GSE1: variants seen among roughly 807,000 people sequenced by gnomAD.
The protein encoded by GSE1 is Gse1 coiled-coil protein.
Under a neutral mutation model 112.6 loss-of-function variants are expected in GSE1, and 32 were observed. That is an observed-to-expected ratio of 0.28 (90% confidence interval 0.21 to 0.38). GSE1 has a LOEUF of 0.38. Among genes scored for constraint, GSE1 ranks in the 10% least tolerant of loss-of-function variants. The pLI, the probability that GSE1 is intolerant of heterozygous loss-of-function variation, is 1.00. For synonymous variants in GSE1, 1,115 were observed against 735.6 expected, an observed-to-expected ratio of 1.52 and a Z score of -8.35; for missense variants, 2,348 against 1,699.2, an observed-to-expected ratio of 1.38 and a Z score of -6.71.
chr16:85,529,746 G>T (rs1214272181), intron 2 of GSE1, among the ~76,000 whole-genome samples: 1 of 152,190 alleles, frequency 6.6e-6, no homozygotes, highest in Non-Finnish European at 1.5e-5. Flanking sequence ...GAACAGGGAG[G>T]CTTCCGGAAC....
chr16:85,492,505 C>T (rs185647657), intron 2 of GSE1, among the ~76,000 whole-genome samples: 5 of 152,336 alleles, frequency 3.3e-5, no homozygotes, highest in South Asian at 4.1e-4. Flanking sequence ...GCCTCACCCA[C>T]GTTCACTTGT....
chr16:85,219,792 G>T (rs2075361833), intron 1 of GSE1, among the ~76,000 whole-genome samples: 1 of 152,214 alleles, frequency 6.6e-6, no homozygotes, highest in Non-Finnish European at 1.5e-5. Flanking sequence ...GGGACCACCA[G>T]CTTTGCTTTA....
At chr16:85,197,567 C>T (rs2074951009) in intron 1 of GSE1, among the ~76,000 whole-genome samples, 1 of 152,206 alleles carries the variant, frequency 6.6e-6, no homozygotes, top group Admixed American at 6.5e-5. Context: ...GAAGATGGGT[C>T]CTGGGGACAG....
chr16:85,209,137 T>A lies in GSE1; in HGVS notation c.2283+37330T>A, dbSNP rs572224112. 1.5e-4 allele frequency among the ~76,000 whole-genome samples: 23 copies of A among 152,328 alleles called. No individual in the cohort carries two copies. In the South Asian group the frequency reaches 4.6e-3, roughly 30 times the overall value. Reference sequence around the variant, plus strand: ...CTGTGTGTTGGGGTTTGCCGTGTGTTTACTGAGTCCAGTGTTTCTGTTCTC... The same window carrying A: ...CTGTGTGTTGGGGTTTGCCGTGTGTATACTGAGTCCAGTGTTTCTGTTCTC... On this transcript the variant is annotated intron_variant, in intron 1 of 2. Transcript: ENST00000637419.
intron 6 of GSE1, 106 bp downstream of exon 6, chr16:85,656,023 G>A: frequency 2.3e-6 from 2 of 870,252 alleles, no homozygotes; most frequent in Non-Finnish European, 3.5e-6. Flanking sequence ...GGCCATGCCT[G>A]TCCTCACAGT....
intron 2 of GSE1, among the ~76,000 whole-genome samples, chr16:85,533,826 C>T (rs543567783): frequency 1.3e-5 from 2 of 151,888 alleles, no homozygotes; most frequent in East Asian, 2.0e-4. Flanking sequence ...GATCCAGTCA[C>T]CGCACTTCAG....
In GSE1 at chr16:85,661,160, G is replaced by T; in HGVS notation, c.1655G>T (p.Arg552Leu). Residue 552 changes from arginine (R) to leucine (L), a missense_variant, in exon 9 of 16, where the codon CGT (arginine) becomes CTT (leucine). Coordinates refer to ENST00000253458, the MANE Select transcript of GSE1 (RefSeq NM_014615.5). ...TCACTCCCTAGGCCAGGACCAAACC[G>T]TCACGAGCCAGGTGGCCGTGACCCT... ...PESTTRPGPN[R>L]HEPGGRDPPQ... The T allele has an allele frequency of 6.3e-7, 1 of 1,588,680 alleles. No individual in the cohort carries two copies. Among genetic ancestry groups the T allele is most frequent in the Non-Finnish European group, 8.6e-7 (1 of 1,161,796 alleles).
chr16:85,227,189 G>A (rs1305973039), intron 1 of GSE1, among the ~76,000 whole-genome samples: 3 of 152,156 alleles, frequency 2.0e-5, no homozygotes, highest in Non-Finnish European at 4.4e-5. Flanking sequence ...ATTTTATGCT[G>A]AAGACATAGC....
chr16:85,448,796 G>C (rs1337579850), intron 2 of GSE1, among the ~76,000 whole-genome samples: 1 of 152,236 alleles, frequency 6.6e-6, no homozygotes, highest in Non-Finnish European at 1.5e-5. Context: ...AGAGGCAGGC[G>C]GCAGCTGCTG....
At chr16:85,388,557 T>C (rs1461253684) in intron 2 of GSE1, among the ~76,000 whole-genome samples, 1 of 150,296 alleles carries the variant, frequency 6.7e-6, no homozygotes, top group Admixed American at 6.6e-5. Flanking sequence ...AACAGATGGA[T>C]GAGTGGGTAG....
At chr16:85,331,587 A>G (rs2046363325) in intron 1 of GSE1, among the ~76,000 whole-genome samples, 1 of 135,096 alleles carries the variant, frequency 7.4e-6, no homozygotes, top group Non-Finnish European at 1.6e-5. Context: ...ACATGTGTAT[A>G]TATGTGTATA....
intron 1 of GSE1, among the ~76,000 whole-genome samples, chr16:85,588,171 C>T (rs1025200215): frequency 2.6e-5 from 4 of 152,202 alleles, no homozygotes; most frequent in African/African-American, 4.8e-5. Context: ...TCTTGCATCT[C>T]GCTCGATTCC....
chr16:85,528,044 G>T (rs976683544), intron 2 of GSE1, among the ~76,000 whole-genome samples: 17 of 152,120 alleles, frequency 1.1e-4, no homozygotes, highest in Admixed American at 3.9e-4. Flanking sequence ...GCAGGGGTGT[G>T]GGGGGGCCCC....
chr16:85,567,727 C>G (rs2045819850), intron 1 of GSE1, among the ~76,000 whole-genome samples: 1 of 152,170 alleles, frequency 6.6e-6, no homozygotes, highest in Non-Finnish European at 1.5e-5. Flanking sequence ...GGCTTCATCT[C>G]TTTTTGTTTG....
chr16:85,654,069 C>T (rs377272364), intron 3 of GSE1, among the ~76,000 whole-genome samples: 1 of 152,288 alleles, frequency 6.6e-6, no homozygotes, highest in African/African-American at 2.4e-5. Context: ...GCACTTCACC[C>T]CAGACCTGTC....
chr16:85,535,966 T>C (rs11117239), intron 2 of GSE1, among the ~76,000 whole-genome samples: 128,684 of 152,298 alleles, frequency 0.84, 54,514 homozygotes, highest in East Asian at 0.94. Flanking sequence ...ATACACAGGC[T>C]CTAGGCCTAG....
rs191431157 is a variant in GSE1, at chr16:85,365,618, G to A, written c.2464+7975G>A. On this transcript the variant is annotated intron_variant, in intron 2 of 2. Transcript: ENST00000637419. ...TGGAACCACAGGGCCGTAAGGGTGCGTCCATGTGCATTGCCTGGAAGGTGA... is the reference window on the plus strand; with the variant it reads ...TGGAACCACAGGGCCGTAAGGGTGCATCCATGTGCATTGCCTGGAAGGTGA... Among the ~76,000 whole-genome samples the A allele has an allele frequency of 1.9e-3, 286 of 152,316 alleles. 3 individuals are homozygous for A. Among genetic ancestry groups the A allele is most frequent in the Non-Finnish European group, 7.4e-4 (50 of 68,026 alleles).
chr16:85,253,058 GCCCCCCCCCCA>G (rs1355038488), intron 1 of GSE1, among the ~76,000 whole-genome samples: 1 of 47,170 alleles, frequency 2.1e-5, no homozygotes, highest in Admixed American at 2.8e-4. Context: ...AGGCGCCCCC[GCCCCCCCCCCA>G]CCCCCCCCCC....
intron 3 of GSE1, among the ~76,000 whole-genome samples, chr16:85,650,255 C>G (rs913613283): frequency 6.6e-6 from 1 of 152,148 alleles, no homozygotes; most frequent in Non-Finnish European, 1.5e-5. Flanking sequence ...GGAGTTGTTA[C>G]CAGCTCCGCT....
Sources: gnomAD v4.1 joint callset for allele counts (sites outside exome capture counted in the v4.1 genomes callset) on GRCh38, gnomAD v4.1.1 for gene constraint, MANE v1.5 for transcripts, NCBI Gene and HGNC (gene_info 2026-07-23, HGNC 2026-07-21) for gene names.